GPD1L: variants seen among roughly 807,000 people sequenced by gnomAD.
GPD1L encodes the protein glycerol-3-phosphate dehydrogenase 1-like protein.
In GPD1L, 17 loss-of-function variants were observed where a neutral mutation model predicts 32.9. That is an observed-to-expected ratio of 0.52 (90% CI 0.35 to 0.78). The LOEUF is 0.78. GPD1L is among the 30% of genes least tolerant of loss of function. The pLI, the probability that GPD1L is intolerant of heterozygous loss-of-function variation, is 0.01. For missense variants in GPD1L, 361 were observed against 447.8 expected (o/e 0.81, Z 1.75); for synonymous variants, 187 against 165.9 (o/e 1.13, Z -0.98).
At chr3:32,159,738 AG>A in intron 7 of GPD1L, 64 bp downstream of exon 7, 1 of 976,472 alleles carries the variant, frequency 1.0e-6, no homozygotes, top group Non-Finnish European at 1.7e-6. Flanking sequence ...CAGGACTTCC[AG>A]CCCCACGGAG....
intron 1 of GPD1L, among the ~76,000 whole-genome samples, chr3:32,120,473 T>C (rs1700396440): frequency 6.6e-6 from 1 of 152,202 alleles, no homozygotes; most frequent in Non-Finnish European, 1.5e-5. Context: ...ATAGTTACAA[T>C]GATCTGATTA....
At chr3:32,134,166 C>G (rs899704581) in intron 2 of GPD1L, among the ~76,000 whole-genome samples, 1 of 152,164 alleles carries the variant, frequency 6.6e-6, no homozygotes, top group African/African-American at 2.4e-5. Context: ...AGCAGAAAAT[C>G]GGGTAGGGGC....
intron 1 of GPD1L, among the ~76,000 whole-genome samples, chr3:32,119,758 T>C (rs1700381411): frequency 6.6e-6 from 1 of 152,164 alleles, no homozygotes; most frequent in Non-Finnish European, 1.5e-5. Flanking sequence ...TACATGTTAT[T>C]TAAACCACAA....
At chr3:32,127,968 A>G in intron 1 of GPD1L, 108 bp from the exon 2 acceptor site, 1 of 798,122 alleles carries the variant, frequency 1.3e-6, no homozygotes, top group Non-Finnish European at 2.2e-6. Flanking sequence ...GAGTAGGCTC[A>G]GTGTTTGAAT....
chr3:32,132,732 C>G (rs1054245743), intron 2 of GPD1L, among the ~76,000 whole-genome samples: 2 of 152,110 alleles, frequency 1.3e-5, no homozygotes, highest in Admixed American at 6.5e-5. Context: ...CTCACAAGTT[C>G]CCAGGTAATG....
At chr3:32,125,756 C>T (rs1297455248) in intron 1 of GPD1L, among the ~76,000 whole-genome samples, 1 of 151,790 alleles carries the variant, frequency 6.6e-6, no homozygotes, top group Admixed American at 6.5e-5. Context: ...TAACACATTG[C>T]CTTTCCCCTG....
At chr3:32,143,135 C>CT (rs1229873443) in intron 4 of GPD1L, among the ~76,000 whole-genome samples, 1 of 152,008 alleles carries the variant, frequency 6.6e-6, no homozygotes, top group Non-Finnish European at 1.5e-5. Flanking sequence ...GCTGTAGTCA[C>CT]TGCAGTGGCT....
intron 1 of GPD1L, among the ~76,000 whole-genome samples, chr3:32,109,103 C>G (rs1051135644): frequency 6.6e-6 from 1 of 152,226 alleles, no homozygotes; most frequent in African/African-American, 2.4e-5. Context: ...CCTGCCTCTT[C>G]CTCCCAAAGT....
At chr3:32,121,591 A>ATATATATATTTCTATATATATATTTC (rs1700416599) in intron 1 of GPD1L, among the ~76,000 whole-genome samples, 1 of 99,232 alleles carries the variant, frequency 1.0e-5, no homozygotes, top group East Asian at 4.0e-4. Flanking sequence ...ATATATTTCT[A>ATATATATATTTCTATATATATATTTC]TATATATATT....
At chr3:32,139,282 C>T (rs1418492912) in intron 3 of GPD1L, among the ~76,000 whole-genome samples, 1 of 152,102 alleles carries the variant, frequency 6.6e-6, no homozygotes, top group East Asian at 1.9e-4. Context: ...GATCTGAGAC[C>T]TTGTCAATAG....
At chr3:32,149,200 C>G (rs1700875186) in intron 5 of GPD1L, among the ~76,000 whole-genome samples, 1 of 152,160 alleles carries the variant, frequency 6.6e-6, no homozygotes, top group Admixed American at 6.5e-5. Flanking sequence ...GCTGGGACTA[C>G]AGGCACATGC....
intron 2 of GPD1L, among the ~76,000 whole-genome samples, chr3:32,135,492 G>C (rs374665406): frequency 6.6e-6 from 1 of 152,034 alleles, no homozygotes; most frequent in Non-Finnish European, 1.5e-5. Flanking sequence ...TTGCTCTGTC[G>C]CCCAGGCTGG....
intron 1 of GPD1L, among the ~76,000 whole-genome samples, chr3:32,113,380 C>A (rs1700281645): frequency 6.6e-6 from 1 of 152,094 alleles, no homozygotes; most frequent in African/African-American, 2.4e-5. Flanking sequence ...TAAGTCATGT[C>A]CCTTTGGACA....
At chr3:32,117,373 G>A (rs758029016) in intron 1 of GPD1L, among the ~76,000 whole-genome samples, 24 of 152,170 alleles carry the variant, frequency 1.6e-4, no homozygotes, top group Non-Finnish European at 2.8e-4. Context: ...TGAGGAAGGT[G>A]GACAGTAACA....
intron 2 of GPD1L, among the ~76,000 whole-genome samples, chr3:32,129,911 G>A (rs1700561236): frequency 6.6e-6 from 1 of 152,008 alleles, no homozygotes; most frequent in Admixed American, 6.6e-5. Flanking sequence ...CTTCCCTTTG[G>A]TAAACTACAT....
In GPD1L at chr3:32,133,775, T is replaced by G. The variant is rs1031720250; in HGVS notation, c.226-4812T>G. ...TCTTGCCCACTCTGATGGCTGCAGA[T>G]AAGATGTTGCTAACAGGTAAAAGCT... On this transcript the variant is annotated intron_variant, in intron 2 of 7. Transcript: ENST00000282541. Among the ~76,000 whole-genome samples, 8 of 152,340 alleles carry G rather than the reference T, an allele frequency of 5.3e-5. No homozygotes were observed. The South Asian group carries it at 1.7e-3, about 32-fold the overall frequency.
At chr3:32,149,667 G>T (rs1237179488) in intron 5 of GPD1L, among the ~76,000 whole-genome samples, 1 of 152,092 alleles carries the variant, frequency 6.6e-6, no homozygotes, top group Non-Finnish European at 1.5e-5. Flanking sequence ...ATGTAATTAG[G>T]CCAGGCATGG....
chr3:32,137,656 T>TA (rs1700685254), intron 2 of GPD1L, among the ~76,000 whole-genome samples: 1 of 152,160 alleles, frequency 6.6e-6, no homozygotes, highest in South Asian at 2.1e-4. Context: ...GAAGAACAGA[T>TA]ACTAGGTGCA....
intron 1 of GPD1L, among the ~76,000 whole-genome samples, chr3:32,121,932 G>A (rs957579224): frequency 1.3e-5 from 2 of 151,494 alleles, no homozygotes; most frequent in Admixed American, 1.3e-4. Context: ...CACCACGCCC[G>A]GCTAATTTTT....
Sources: gnomAD v4.1 joint callset for allele counts (sites outside exome capture counted in the v4.1 genomes callset) on GRCh38, gnomAD v4.1.1 for gene constraint, MANE v1.5 for transcripts, NCBI Gene and HGNC (gene_info 2026-07-23, HGNC 2026-07-21) for gene names.